Variants in PRRX2 observed in about 807,000 individuals in gnomAD.
PRRX2 encodes the protein paired related homeobox 2, also known as paired mesoderm homeobox protein 2.
Under a neutral mutation model 18.0 loss-of-function variants are expected in PRRX2, and 11 were observed. The ratio of observed to expected loss-of-function variants is 0.61; its 90% CI spans 0.39 to 1.01. PRRX2 has a LOEUF of 1.01. Ranked by LOEUF, PRRX2 falls within the 50% of genes least tolerant of loss-of-function variation. PRRX2 has a pLI of 0.01. For missense variants in PRRX2, 387 were observed against 351.0 expected (o/e 1.10, Z -0.82); for synonymous variants, 177 against 154.8 (o/e 1.14, Z -1.06).
intron 1 of PRRX2, among the ~76,000 whole-genome samples, chr9:129,676,732 C>A (rs1018734223): frequency 2.0e-5 from 3 of 152,218 alleles, no homozygotes; most frequent in African/African-American, 7.2e-5. Context: ...GCCAGAGGGG[C>A]CTCCAGATGC....
rs371032092 is a variant in PRRX2 at position 129,719,218 on chromosome 9, C to T, written c.260-13C>T. 2.2e-5 allele frequency: 35 copies of T among 1,558,140 alleles called. No homozygotes were observed. The African/African-American group carries it at 3.5e-4, about 16-fold the overall frequency. ...CCGTCCTGCTGACCATCCCGCCCCC[C>T]CAACCTCCGCAGGTGAGTGTCCCAG... On this transcript the variant is annotated splice_polypyrimidine_tract_variant and intron_variant, in intron 1 of 3. Coordinates refer to ENST00000372469, the MANE Select transcript of PRRX2 (RefSeq NM_016307.4).
chr9:129,708,117 C>G (rs926734257), intron 1 of PRRX2, among the ~76,000 whole-genome samples: 1 of 152,100 alleles, frequency 6.6e-6, no homozygotes, highest in Non-Finnish European at 1.5e-5. Flanking sequence ...CTCACTGCAA[C>G]CTCCACCTCC....
intron 1 of PRRX2, among the ~76,000 whole-genome samples, chr9:129,667,940 C>T (rs1023451822): frequency 6.6e-6 from 1 of 152,172 alleles, no homozygotes; most frequent in South Asian, 2.1e-4. Flanking sequence ...GGGGCATTGG[C>T]ACACTGGGAG....
At chr9:129,683,994 C>T (rs868026264) in intron 1 of PRRX2, among the ~76,000 whole-genome samples, 1 of 152,182 alleles carries the variant, frequency 6.6e-6, no homozygotes, top group Non-Finnish European at 1.5e-5. Flanking sequence ...ATCCTAAATT[C>T]GCCCAGAGAG....
In PRRX2 at chr9:129,687,737, A is replaced by C. The variant is rs1832313593; in HGVS notation, c.259+21611A>C. Among the ~76,000 whole-genome samples, 7 of 152,314 alleles carry C rather than the reference A, an allele frequency of 4.6e-5. No homozygotes were observed. In the South Asian group the frequency reaches 1.5e-3, roughly 32 times the overall value. On this transcript the variant is annotated intron_variant, in intron 1 of 3. Transcript: ENST00000372469. Reference sequence around the variant, plus strand: ...TCACACCCGAGATTTGGGGAGCAGAAAGGTAGCATGGCCCAGGAGACAAGG... The same window carrying C: ...TCACACCCGAGATTTGGGGAGCAGACAGGTAGCATGGCCCAGGAGACAAGG...
At chr9:129,699,449 G>GTGTGTGT (rs1239540544) in intron 1 of PRRX2, among the ~76,000 whole-genome samples, 1 of 150,958 alleles carries the variant, frequency 6.6e-6, no homozygotes, top group East Asian at 1.9e-4. Context: ...ATGTGTGTGT[G>GTGTGTGT]TGTGTGTGTG....
chr9:129,670,185 C>T (rs1383146229), intron 1 of PRRX2, among the ~76,000 whole-genome samples: 1 of 151,310 alleles, frequency 6.6e-6, no homozygotes, highest in Admixed American at 6.6e-5. Context: ...TTCTGAAGGC[C>T]GAATCACATT....
intron 1 of PRRX2, among the ~76,000 whole-genome samples, chr9:129,712,288 G>C (rs891854094): frequency 6.6e-6 from 1 of 152,148 alleles, no homozygotes; most frequent in Non-Finnish European, 1.5e-5. Flanking sequence ...TCAGCCCGGG[G>C]GTCAGGCGCA....
intron 1 of PRRX2, among the ~76,000 whole-genome samples, chr9:129,691,348 A>G (rs774532946): frequency 2.0e-5 from 3 of 152,060 alleles, no homozygotes; most frequent in African/African-American, 7.2e-5. Flanking sequence ...AAAAAATTAT[A>G]TAAACTTACA....
At chr9:129,678,165 C>T (rs1402055192) in intron 1 of PRRX2, among the ~76,000 whole-genome samples, 4 of 151,860 alleles carry the variant, frequency 2.6e-5, no homozygotes, top group African/African-American at 4.8e-5. Flanking sequence ...GGTTTTGTCA[C>T]GTTGGCCAGG....
At chr9:129,686,193 C>A (rs867047113) in intron 1 of PRRX2, among the ~76,000 whole-genome samples, 1 of 152,142 alleles carries the variant, frequency 6.6e-6, no homozygotes, top group Non-Finnish European at 1.5e-5. Context: ...GGGAACTAGA[C>A]CCTGGGCTGG....
intron 1 of PRRX2, among the ~76,000 whole-genome samples, chr9:129,687,813 G>GC (rs1832314344): frequency 6.6e-6 from 1 of 152,246 alleles, no homozygotes. Context: ...TAGGCAGGCA[G>GC]CATCAGCTCT....
chr9:129,700,849 C>T (rs1313803286), intron 1 of PRRX2, among the ~76,000 whole-genome samples: 1 of 152,148 alleles, frequency 6.6e-6, no homozygotes, highest in East Asian at 1.9e-4. Flanking sequence ...AAACTCCTGG[C>T]CTGAAGCGAT....
In PRRX2 at chr9:129,722,512, G is replaced by A. The variant is rs924827152; in HGVS notation, c.*160G>A. The A allele has an allele frequency of 1.8e-5, 14 of 771,206 alleles. No homozygotes were observed. In the African/African-American group the frequency reaches 2.2e-4, roughly 12 times the overall value. 47.8% of individuals were successfully genotyped at this position (771,206 alleles called of 1,614,324 possible). ...AGGCTGTTGAGGCCCCTGCAGCCGG[G>A]CCCAGCTCTTCTGTCCTTGGCCACC... On this transcript the variant is annotated 3_prime_UTR_variant, in exon 4 of 4. Coordinates refer to ENST00000372469, the MANE Select transcript of PRRX2 (RefSeq NM_016307.4).
chr9:129,719,540 G>C lies in PRRX2; in HGVS notation c.447+122G>C, dbSNP rs1032893390. On this transcript the variant is annotated intron_variant, in intron 2 of 3. Transcript: ENST00000372469. The stretch of plus-strand genomic sequence containing the variant: ...TGAGCAGGAGCATCTGAGGCCAGGA[G>C]GACGGGGGTTCAGATCCCAGCCCTG... The C allele has an allele frequency of 2.4e-6, 3 of 1,247,708 alleles. No individual in the cohort carries two copies. In the African/African-American group the frequency reaches 4.7e-5, roughly 20 times the overall value. The allele number at this position is 1,247,708 out of a possible 1,614,324, so 77.3% of individuals were successfully genotyped here. A position where few individuals can be genotyped will look rare whatever the true frequency, so the allele number is the denominator to read the frequency against.
chr9:129,697,936 G>T (rs1201233724), intron 1 of PRRX2, among the ~76,000 whole-genome samples: 1 of 152,086 alleles, frequency 6.6e-6, no homozygotes, highest in Non-Finnish European at 1.5e-5. Flanking sequence ...GCCAAAATGT[G>T]GGTGGGGGAG....
At chr9:129,676,063 ATGTC>A (rs1322077762) in intron 1 of PRRX2, among the ~76,000 whole-genome samples, 5 of 152,090 alleles carry the variant, frequency 3.3e-5, no homozygotes, top group Non-Finnish European at 5.9e-5. Flanking sequence ...TGGGTGTAGA[ATGTC>A]TGGCACCCTC....
At position 129,675,831 on chromosome 9, in the gene PRRX2, G is replaced by A. The variant is rs1033193479; in HGVS notation, c.259+9705G>A. On this transcript the variant is annotated intron_variant, in intron 1 of 3. Coordinates refer to ENST00000372469, the MANE Select transcript of PRRX2 (RefSeq NM_016307.4). The surrounding 1 kb of genome is among the most constrained non-coding windows in gnomAD (Gnocchi z 4.4). ...CAGGGGCCTCGCAGCCTCTCTCGCC[G>A]CCAGAGCTCTGCGCGGGCCTCCCGT... Among the ~76,000 whole-genome samples the A allele has an allele frequency of 5.9e-5, 9 of 152,318 alleles. No homozygotes were observed. The highest frequency in any genetic ancestry group is 1.7e-4 in the African/African-American group (7 of 41,574).
chr9:129,705,761 G>T (rs1441439082), intron 1 of PRRX2, among the ~76,000 whole-genome samples: 1 of 152,040 alleles, frequency 6.6e-6, no homozygotes, highest in Middle Eastern at 3.2e-3. Context: ...TGACCCGGCC[G>T]CATGGGGACA....
Sources: gnomAD v4.1 joint callset for allele counts (sites outside exome capture counted in the v4.1 genomes callset) on GRCh38, gnomAD v4.1.1 for gene constraint, Gnocchi (gnomAD v3.1) non-coding constraint, MANE v1.5 for transcripts, NCBI Gene and HGNC (gene_info 2026-07-23, HGNC 2026-07-21) for gene names.